Variants in DLGAP2 observed in about 807,000 individuals in gnomAD.
The protein encoded by DLGAP2 is DLG associated protein 2.
A neutral mutation model predicts 100.3 loss-of-function variants in DLGAP2; 26 were observed. The ratio of observed to expected loss-of-function variants is 0.26; its 90% confidence interval spans 0.19 to 0.36. The LOEUF (loss-of-function observed/expected upper bound fraction) is 0.36. DLGAP2 is among the 10% of genes least tolerant of loss of function. The probability of loss-of-function intolerance (pLI) is 1.00; values close to 1 mark genes in which losing one functional copy is unlikely to be tolerated. For synonymous variants in DLGAP2, 886 were observed against 630.1 expected (o/e 1.41, Z -6.08); for missense variants, 1,858 against 1,453.2 (o/e 1.28, Z -4.53).
intron 2 of DLGAP2, among the ~76,000 whole-genome samples, chr8:1,245,900 C>T (rs561944953): frequency 1.8e-4 from 28 of 152,250 alleles, no homozygotes; most frequent in Non-Finnish European, 3.2e-4. Flanking sequence ...GGTGGGTGGT[C>T]CCAGTATGAC....
chr8:1,313,862 G>C (rs1374868127), intron 3 of DLGAP2, among the ~76,000 whole-genome samples: 1 of 152,056 alleles, frequency 6.6e-6, no homozygotes, highest in Non-Finnish European at 1.5e-5. Context: ...ATATTCATCA[G>C]CAGCATCAAA....
intron 2 of DLGAP2, among the ~76,000 whole-genome samples, chr8:1,214,284 A>G (rs1798167073): frequency 1.3e-5 from 2 of 152,154 alleles, no homozygotes; most frequent in South Asian, 2.1e-4. Context: ...AGGACACCAC[A>G]GCTCCAGGAC....
intron 2 of DLGAP2, among the ~76,000 whole-genome samples, chr8:1,102,389 A>G (rs1293935815): frequency 6.7e-6 from 1 of 149,342 alleles, no homozygotes. Context: ...TTATAGATAC[A>G]TAAAACATTA....
At chr8:1,151,819 T>C (rs1016573711) in intron 2 of DLGAP2, among the ~76,000 whole-genome samples, 25 of 152,364 alleles carry the variant, frequency 1.6e-4, no homozygotes, top group African/African-American at 5.5e-4. Flanking sequence ...CAACTTATTT[T>C]TACACAAATC....
intron 2 of DLGAP2, among the ~76,000 whole-genome samples, chr8:1,186,584 T>A (rs757915847): frequency 1.5e-4 from 23 of 152,138 alleles, no homozygotes; most frequent in Non-Finnish European, 3.1e-4. Flanking sequence ...TCCCTTTTTG[T>A]CATGGAGGTG....
At chr8:863,510 T>C (rs1269261707) in intron 1 of DLGAP2, among the ~76,000 whole-genome samples, 1 of 152,236 alleles carries the variant, frequency 6.6e-6, no homozygotes, top group African/African-American at 2.4e-5. Context: ...TTCAGGATGC[T>C]GGATATTAAC....
chr8:1,277,191 A>G (rs191261579), intron 3 of DLGAP2, among the ~76,000 whole-genome samples: 1 of 152,272 alleles, frequency 6.6e-6, no homozygotes. Flanking sequence ...AAGTGTGGCT[A>G]TTTTACTAAT....
intron 4 of DLGAP2, among the ~76,000 whole-genome samples, chr8:1,524,112 C>A (rs1257957127): frequency 6.6e-6 from 1 of 152,148 alleles, no homozygotes; most frequent in Non-Finnish European, 1.5e-5. Context: ...CAGAACTGAT[C>A]CCCAGACGGG....
At chr8:800,829 A>G (rs144173487) in intron 1 of DLGAP2, among the ~76,000 whole-genome samples, 158 of 152,132 alleles carry the variant, frequency 1.0e-3, no homozygotes, top group African/African-American at 3.8e-3. Context: ...TGCTGAGAAG[A>G]GGTTGCTGTT....
At chr8:1,383,426 T>C (rs1796140105) in intron 3 of DLGAP2, among the ~76,000 whole-genome samples, 1 of 152,216 alleles carries the variant, frequency 6.6e-6, no homozygotes, top group African/African-American at 2.4e-5. Context: ...AGAGATTCTG[T>C]CAAATGGTAC....
At chr8:1,508,907 AT>A (rs1008426325) in intron 4 of DLGAP2, among the ~76,000 whole-genome samples, 6 of 152,152 alleles carry the variant, frequency 3.9e-5, no homozygotes, top group Non-Finnish European at 7.4e-5. Context: ...CACATTCTCA[AT>A]GGTTTTCTGT....
At chr8:871,970 T>C (rs893159368) in intron 1 of DLGAP2, among the ~76,000 whole-genome samples, 1 of 152,256 alleles carries the variant, frequency 6.6e-6, no homozygotes, top group African/African-American at 2.4e-5. Context: ...TCTTACATAC[T>C]CTACAGTTTT....
At chr8:1,637,242 C>A (rs939692578) in intron 8 of DLGAP2, among the ~76,000 whole-genome samples, 4 of 152,088 alleles carry the variant, frequency 2.6e-5, no homozygotes, top group African/African-American at 9.7e-5. Context: ...AAATAAAACA[C>A]GCTATATGGG....
chr8:1,455,865 G>C (rs373127498), intron 3 of DLGAP2, among the ~76,000 whole-genome samples: 1 of 152,172 alleles, frequency 6.6e-6, no homozygotes, highest in Non-Finnish European at 1.5e-5. Flanking sequence ...GACGGCAGGC[G>C]GTCGGTCTGT....
At chr8:1,167,537 A>G (rs1480821804) in intron 2 of DLGAP2, among the ~76,000 whole-genome samples, 12 of 152,332 alleles carry the variant, frequency 7.9e-5, no homozygotes, top group Admixed American at 7.2e-4. Flanking sequence ...GATCTTAGTC[A>G]TGAACTGCAC....
intron 2 of DLGAP2, among the ~76,000 whole-genome samples, chr8:1,084,942 G>A (rs571934384): frequency 6.6e-6 from 1 of 152,280 alleles, no homozygotes; most frequent in African/African-American, 2.4e-5. Flanking sequence ...AGACACCTTC[G>A]TACTGTTCTC....
At chr8:1,044,011 G>C (rs557310400) in intron 2 of DLGAP2, among the ~76,000 whole-genome samples, 6 of 152,188 alleles carry the variant, frequency 3.9e-5, no homozygotes, top group African/African-American at 1.4e-4. Context: ...CCAAAGGACG[G>C]AGCACAAACG....
At chr8:880,184 T>C (rs1197040228) in intron 1 of DLGAP2, among the ~76,000 whole-genome samples, 1 of 152,224 alleles carries the variant, frequency 6.6e-6, no homozygotes, top group Non-Finnish European at 1.5e-5. Flanking sequence ...CTCCCTCCAC[T>C]GCACTTGCAT....
intron 2 of DLGAP2, among the ~76,000 whole-genome samples, chr8:1,012,317 G>A (rs994125947): frequency 2.0e-5 from 3 of 152,222 alleles, no homozygotes; most frequent in African/African-American, 4.8e-5. Flanking sequence ...AATAGAAGAC[G>A]AAGAACGCAC....
Sources: gnomAD v4.1 joint callset for allele counts (sites outside exome capture counted in the v4.1 genomes callset) on GRCh38, gnomAD v4.1.1 for gene constraint, MANE v1.5 for transcripts, NCBI Gene and HGNC (gene_info 2026-07-23, HGNC 2026-07-21) for gene names.